Variants in PPP2R2D observed in about 807,000 individuals in gnomAD.
PPP2R2D encodes serine/threonine-protein phosphatase 2A 55 kDa regulatory subunit B delta isoform.
A neutral mutation model predicts 31.1 loss-of-function variants in PPP2R2D; 9 were observed. That is an observed-to-expected ratio of 0.29 (90% CI 0.17 to 0.51). The LOEUF (loss-of-function observed/expected upper bound fraction) is 0.51, where lower values mean the gene tolerates loss of function less well. Ranked by LOEUF, PPP2R2D falls within the 20% of genes least tolerant of loss-of-function variation. The pLI is 0.98. For missense variants in PPP2R2D, 391 were observed against 465.6 expected (o/e 0.84, Z 1.48); for synonymous variants, 179 against 172.6 (o/e 1.04, Z -0.29).
chr10:131,946,835 T>C (rs1170183207), intron 7 of PPP2R2D, among the ~76,000 whole-genome samples: 2 of 151,900 alleles, frequency 1.3e-5, no homozygotes, highest in African/African-American at 4.8e-5. Flanking sequence ...ACCCTGGAGG[T>C]TGAGGCGGGA....
chr10:131,936,820 C>CT (rs2036349826), intron 3 of PPP2R2D, among the ~76,000 whole-genome samples: 1 of 152,206 alleles, frequency 6.6e-6, no homozygotes, highest in South Asian at 2.1e-4. Flanking sequence ...CCCAGGCAGC[C>CT]TTTTTTCTTT....
intron 2 of PPP2R2D, among the ~76,000 whole-genome samples, chr10:131,902,401 G>A (rs1436627851): frequency 2.0e-5 from 3 of 151,994 alleles, no homozygotes; most frequent in African/African-American, 7.3e-5. Flanking sequence ...TCCCTACCCT[G>A]TACCTCTCCC....
At chr10:131,901,383 C>G in intron 2 of PPP2R2D, 53 bp downstream of exon 2, 1 of 345,490 alleles carries the variant, frequency 2.9e-6, no homozygotes. Flanking sequence ...GCTCCCAGCC[C>G]GGCCGCGCGC....
the PPP2R2D span, among the ~76,000 whole-genome samples, chr10:131,965,874 C>A: frequency 6.6e-6 from 1 of 152,236 alleles, no homozygotes; most frequent in Admixed American, 6.5e-5. Flanking sequence ...AATCCCTTCT[C>A]ATCGCGAGCT....
chr10:131,913,657 A>AT (rs2035721518), intron 2 of PPP2R2D, among the ~76,000 whole-genome samples: 2 of 152,114 alleles, frequency 1.3e-5, no homozygotes, highest in African/African-American at 4.8e-5. Context: ...TCGTTAGGCG[A>AT]TTTTGGCATG....
chr10:131,931,387 G>A (rs1403692460), intron 2 of PPP2R2D, among the ~76,000 whole-genome samples: 1 of 152,104 alleles, frequency 6.6e-6, no homozygotes, highest in Non-Finnish European at 1.5e-5. Context: ...TTGCTTTGTT[G>A]CCCAGGCTGG....
intron 2 of PPP2R2D, among the ~76,000 whole-genome samples, chr10:131,927,506 C>T (rs1471211421): frequency 1.3e-5 from 2 of 152,072 alleles, no homozygotes; most frequent in Non-Finnish European, 2.9e-5. Flanking sequence ...CTGAAGTCAG[C>T]GGGATGATGT....
chr10:131,937,478 T>C (rs1195630520), intron 3 of PPP2R2D, among the ~76,000 whole-genome samples: 1 of 152,118 alleles, frequency 6.6e-6, no homozygotes, highest in Admixed American at 6.5e-5. Flanking sequence ...CGTGTCCCCA[T>C]GAGGCTTCCT....
chr10:131,971,157 C>A, the PPP2R2D span: 1 of 602,226 alleles, frequency 1.7e-6, no homozygotes, highest in Non-Finnish European at 2.9e-6. Flanking sequence ...CGCCGCACTC[C>A]CGGCTCACAG....
chr10:131,970,482 T>C, the PPP2R2D span: 2 of 1,140,340 alleles, frequency 1.8e-6, no homozygotes, highest in East Asian at 5.2e-5. The surrounding 1 kb of genome is among the most constrained non-coding windows in gnomAD (Gnocchi z 4.1). Flanking sequence ...GCTGGTGGTT[T>C]CTGGACCTGA....
intron 8 of PPP2R2D, 97 bp from the exon 9 acceptor site, chr10:131,955,587 A>G: frequency 2.8e-6 from 3 of 1,061,576 alleles, no homozygotes; most frequent in Non-Finnish European, 3.7e-6. Context: ...GTTGTGGGGG[A>G]GGGTGGCGTG....
chr10:131,917,098 T>G, intron 2 of PPP2R2D, among the ~76,000 whole-genome samples: 4 of 138,818 alleles, frequency 2.9e-5, no homozygotes, highest in Admixed American at 7.3e-5. Context: ...CTCACACGGG[T>G]GGAATGACAC....
At chr10:131,936,859 G>A (rs1554896582) in intron 3 of PPP2R2D, among the ~76,000 whole-genome samples, 1 of 152,224 alleles carries the variant, frequency 6.6e-6, no homozygotes, top group Non-Finnish European at 1.5e-5. Flanking sequence ...ACGTCTGAAA[G>A]GCTTTCACGG....
chr10:131,920,432 CAG>C (rs1260577790), intron 2 of PPP2R2D, among the ~76,000 whole-genome samples: 3 of 152,136 alleles, frequency 2.0e-5, no homozygotes, highest in Non-Finnish European at 4.4e-5. Flanking sequence ...TGGAATGACA[CAG>C]TGTTTGTGGG....
intron 2 of PPP2R2D, among the ~76,000 whole-genome samples, chr10:131,929,540 C>T (rs1342881827): frequency 6.6e-6 from 1 of 152,194 alleles, no homozygotes; most frequent in Admixed American, 6.5e-5. Flanking sequence ...TCTGAGGGGA[C>T]TTCCGCCATA....
intron 2 of PPP2R2D, among the ~76,000 whole-genome samples, chr10:131,907,862 G>T (rs892966328): frequency 2.0e-5 from 3 of 152,218 alleles, no homozygotes; most frequent in Non-Finnish European, 4.4e-5. Context: ...ATATGTGGTG[G>T]TATTGAATCA....
At chr10:131,918,370 TTGTA>T (rs1172593800) in intron 2 of PPP2R2D, among the ~76,000 whole-genome samples, 2 of 100,762 alleles carry the variant, frequency 2.0e-5, no homozygotes, top group Non-Finnish European at 2.0e-5. Flanking sequence ...GACACAGTGT[TTGTA>T]GGGACCTCAG....
At chr10:131,901,352 GC>G in intron 2 of PPP2R2D, 22 bp downstream of exon 2, 3 of 355,214 alleles carry the variant, frequency 8.4e-6, no homozygotes, top group East Asian at 4.1e-5. Flanking sequence ...GCCGCGCCCC[GC>G]CCCGGGACCC....
chr10:131,951,774 T>G (rs2036640255), intron 8 of PPP2R2D, among the ~76,000 whole-genome samples: 1 of 151,946 alleles, frequency 6.6e-6, no homozygotes, highest in Admixed American at 6.6e-5. Context: ...AAGCTGAGAT[T>G]GTGCCACTGC....
Sources: allele counts gnomAD v4.1 joint callset (sites outside exome capture counted in the v4.1 genomes callset), GRCh38; gene constraint gnomAD v4.1.1; non-coding constraint Gnocchi (gnomAD v3.1); transcripts MANE v1.5; gene names NCBI Gene and HGNC (gene_info 2026-07-23, HGNC 2026-07-21).